The following DPP3 variants were observed in gnomAD, a reference collection of about 807,000 sequenced individuals.
DPP3 encodes the protein dipeptidyl peptidase 3.
In DPP3, 64 loss-of-function variants were observed where a neutral mutation model predicts 89.8. The observed-to-expected ratio is 0.71, with a 90% CI of 0.58 to 0.88. DPP3 has a LOEUF of 0.88. Ranked by LOEUF, DPP3 falls within the 40% of genes least tolerant of loss-of-function variation. The probability of loss-of-function intolerance (pLI) is 0.00; values close to 1 mark genes in which losing one functional copy is unlikely to be tolerated. For synonymous variants in DPP3, 377 were observed against 404.3 expected (o/e 0.93, Z 0.81); for missense variants, 835 against 972.5 (o/e 0.86, Z 1.88).
chr11:66,487,295 T>C lies in DPP3; in HGVS notation c.526T>C (p.Cys176Arg). 1 of 1,614,040 alleles carries C rather than the reference T, an allele frequency of 6.2e-7. No homozygotes were observed. Among genetic ancestry groups the C allele is most frequent in the Non-Finnish European group, 8.5e-7 (1 of 1,179,948 alleles). The change falls in exon 5 of 18, where the codon TGT becomes CGT. Residue 176 changes from cysteine (C) to arginine (R), a missense_variant. Physicochemically the swap from Cys to Arg is radical, Grantham distance 180. Transcript: ENST00000531863. ...AATCACCACCTATTTCTCTGGGAAT[T>C]GTACCATGGAAGATGCCAAATTGGC... is the stretch of plus-strand genomic sequence containing the variant. ...EGITTYFSGNCTMEDAKLAQD... is the reference protein window; with the variant it reads ...EGITTYFSGNRTMEDAKLAQD...
chr11:66,493,483 C>T, intron 11 of DPP3, 58 bp from the exon 12 acceptor site: 1 of 1,569,644 alleles, frequency 6.4e-7, no homozygotes, highest in Non-Finnish European at 8.7e-7. Context: ...GGGAGGCCGA[C>T]AGGCTGTATA....
intron 16 of DPP3, among the ~76,000 whole-genome samples, chr11:66,502,765 A>G (rs1303862037): frequency 6.6e-6 from 1 of 150,612 alleles, no homozygotes; most frequent in Admixed American, 6.6e-5. Context: ...CGCCCAACCA[A>G]ATTTTTTGTA....
chr11:66,497,899 A>T (rs1048869788), intron 16 of DPP3, among the ~76,000 whole-genome samples: 1 of 151,972 alleles, frequency 6.6e-6, no homozygotes, highest in African/African-American at 2.4e-5. Context: ...TCTAAAAAAA[A>T]AAAAAAGAAT....
At chr11:66,492,495 CG>C in intron 9 of DPP3, 1 of 502,782 alleles carries the variant, frequency 2.0e-6, no homozygotes, top group South Asian at 3.5e-5. Flanking sequence ...AAGGGGCAGG[CG>C]GCCCAGGGGC....
At chr11:66,490,145 TAAAAAAAAAAAAAA>T (rs201526861) in intron 6 of DPP3, among the ~76,000 whole-genome samples, 56 of 94,808 alleles carry the variant, frequency 5.9e-4, no homozygotes, top group Non-Finnish European at 6.4e-4. Flanking sequence ...AGATCCTATC[TAAAAAAAAAAAAAA>T]AAAAAAAAAA....
In DPP3 at chr11:66,492,811, A is replaced by G. The variant is rs1357325914; in HGVS notation, c.1084A>G (p.Thr362Ala). ...QLLKELPWPP[T>A]FEKDKFLTPD... ...GCTGAAGGAGCTGCCCTGGCCCCCA[A>G]CCTTTGAGAAGGACAAGTTCCTCAC... Residue 362 changes from threonine to alanine, a missense_variant, in exon 10 of 18, where the codon ACC (threonine) becomes GCC (alanine). Thr to Ala is a moderately conservative substitution (Grantham distance 58). Transcript: ENST00000531863. 9.3e-6 allele frequency: 15 copies of G among 1,613,862 alleles called. No individual in the cohort carries two copies. The highest frequency in any genetic ancestry group is 1.7e-5 in the Admixed American group (1 of 59,978).
At chr11:66,499,097 T>G (rs1855617030) in intron 16 of DPP3, among the ~76,000 whole-genome samples, 2 of 152,182 alleles carry the variant, frequency 1.3e-5, no homozygotes, top group African/African-American at 4.8e-5. Flanking sequence ...GCGCGGTGGC[T>G]CACGCCTGTA....
At chr11:66,497,202 G>A in intron 15 of DPP3, 96 bp from the exon 16 acceptor site, 6 of 1,476,944 alleles carry the variant, frequency 4.1e-6, no homozygotes, top group Non-Finnish European at 5.4e-6. Context: ...CTGGGACCAA[G>A]GACCAAGCCT....
chr11:66,490,024 C>A (rs1415494785), intron 6 of DPP3, among the ~76,000 whole-genome samples: 1 of 151,974 alleles, frequency 6.6e-6, no homozygotes, highest in African/African-American at 2.4e-5. Context: ...TGGGCAAAGT[C>A]ACAGTTGAGC....
chr11:66,492,587 T>G (rs534500049), intron 9 of DPP3, 129 bp from the exon 10 acceptor site: 88 of 1,133,860 alleles, frequency 7.8e-5, no homozygotes, highest in Admixed American at 5.4e-4. Flanking sequence ...GGGTCACTGC[T>G]ATCCCCATCT....
At chr11:66,502,627 A>T (rs2134749364) in intron 16 of DPP3, among the ~76,000 whole-genome samples, 1 of 151,814 alleles carries the variant, frequency 6.6e-6, no homozygotes, top group Admixed American at 6.6e-5. Context: ...CCGCCTGGCT[A>T]ATTTTTTGTA....
chr11:66,488,103 A>T, intron 6 of DPP3, 96 bp downstream of exon 6: 1 of 1,046,654 alleles, frequency 9.6e-7, no homozygotes, highest in Non-Finnish European at 1.4e-6. Flanking sequence ...CTTCAGAAAG[A>T]GCATCCTTCT....
chr11:66,480,509 C>A, intron 1 of DPP3, 44 bp downstream of exon 1: 2 of 1,471,874 alleles, frequency 1.4e-6, no homozygotes, highest in Non-Finnish European at 8.9e-7. Context: ...GCGTGTCATC[C>A]CGGGGGACCA....
rs752245928 is a variant in DPP3 at position 66,491,624 on chromosome 11, G to A, written c.929G>A (p.Ser310Asn). 1.2e-6 allele frequency: 2 copies of A among 1,612,848 alleles called. No homozygotes were observed. Among genetic ancestry groups the A allele is most frequent in the African/African-American group, 1.3e-5 (1 of 74,912 alleles). The change falls in exon 8 of 18, where the codon AGT (serine) becomes AAT (asparagine). Residue 310 changes from serine to asparagine, a missense_variant and splice_region_variant. Physicochemically the swap from Ser to Asn is conservative, Grantham distance 46. Coordinates refer to ENST00000531863, the MANE Select transcript of DPP3 (RefSeq NM_130443.4). ...CAGGACAAAGGCCCCATCGTGGAGA[G>A]GTGAGGCGCCAGCTCCACCCCACCT... ...WIQDKGPIVE[S>N]YIGFIESYRD...
chr11:66,487,834 A>T, intron 5 of DPP3, 80 bp from the exon 6 acceptor site: 1 of 1,338,480 alleles, frequency 7.5e-7, no homozygotes, highest in Non-Finnish European at 1.1e-6. Context: ...CTTCTCCCCT[A>T]GGGTTGACCC....
At chr11:66,486,978 G>GA (rs1453669217) in intron 4 of DPP3, among the ~76,000 whole-genome samples, 1 of 152,152 alleles carries the variant, frequency 6.6e-6, no homozygotes, top group Non-Finnish European at 1.5e-5. Context: ...GGCAGGGAAG[G>GA]AGGGGGGTCC....
At chr11:66,493,668 C>T in intron 12 of DPP3, 35 bp downstream of exon 12, 1 of 1,573,438 alleles carries the variant, frequency 6.4e-7, no homozygotes, top group Non-Finnish European at 8.6e-7. Flanking sequence ...GCACCCCAGC[C>T]TACAGCTCCA....
chr11:66,499,490 T>C (rs1039741839), intron 16 of DPP3, among the ~76,000 whole-genome samples: 1 of 151,526 alleles, frequency 6.6e-6, no homozygotes, highest in African/African-American at 2.4e-5. Context: ...TATTTTTAGG[T>C]TGGGTGTGGT....
intron 17 of DPP3, among the ~76,000 whole-genome samples, chr11:66,505,338 C>T (rs1855773966): frequency 1.3e-5 from 2 of 152,226 alleles, no homozygotes; most frequent in Admixed American, 1.3e-4. Context: ...CCCCTTGACT[C>T]ATCTTTCCTG....
Sources: gnomAD v4.1 joint callset for allele counts (sites outside exome capture counted in the v4.1 genomes callset) on GRCh38, gnomAD v4.1.1 for gene constraint, MANE v1.5 for transcripts, NCBI Gene and HGNC (gene_info 2026-07-23, HGNC 2026-07-21) for gene names.